SLIT3: variants seen among roughly 807,000 people sequenced by gnomAD.
SLIT3 encodes slit homolog 3 protein.
A neutral mutation model predicts 184.0 loss-of-function variants in SLIT3; 68 were observed. The observed-to-expected ratio is 0.37, with a 90% CI of 0.30 to 0.45. The LOEUF is 0.45. Ranked by LOEUF, SLIT3 falls within the 20% of genes least tolerant of loss-of-function variation. SLIT3 has a pLI of 1.00. For synonymous variants in SLIT3, 831 were observed against 828.6 expected, an observed-to-expected ratio of 1.00 and a Z score of -0.05; for missense variants, 1,707 against 2,026.0, an observed-to-expected ratio of 0.84 and a Z score of 3.02.
At chr5:168,876,714 C>CT (rs1427870104) in intron 5 of SLIT3, among the ~76,000 whole-genome samples, 1 of 152,200 alleles carries the variant, frequency 6.6e-6, no homozygotes, top group African/African-American at 2.4e-5. Context: ...CCAACGAAGC[C>CT]TTAATCCATG....
At chr5:168,672,059 T>A (rs911171537) in intron 33 of SLIT3, among the ~76,000 whole-genome samples, 6 of 152,228 alleles carry the variant, frequency 3.9e-5, no homozygotes, top group Non-Finnish European at 8.8e-5. Flanking sequence ...AGTAAAGACC[T>A]AATTTGCTTT....
intron 3 of SLIT3, among the ~76,000 whole-genome samples, chr5:169,203,760 GCAAGGCAAGAGAGAAAAGGGGAGT>G (rs1359075829): frequency 6.6e-6 from 1 of 152,128 alleles, no homozygotes; most frequent in Non-Finnish European, 1.5e-5. Flanking sequence ...TGGATTGGAG[GCAAGGCAAGAGAGAAAAGGGGAGT>G]CAAGGATGAG....
chr5:168,796,093 C>T (rs1172509495), intron 9 of SLIT3, among the ~76,000 whole-genome samples: 1 of 152,138 alleles, frequency 6.6e-6, no homozygotes, highest in Non-Finnish European at 1.5e-5. Flanking sequence ...TAATACAGTG[C>T]AGGAACAGCC....
At chr5:169,169,135 C>T (rs1027683722) in intron 4 of SLIT3, among the ~76,000 whole-genome samples, 1 of 152,198 alleles carries the variant, frequency 6.6e-6, no homozygotes, top group Non-Finnish European at 1.5e-5. Flanking sequence ...TCCTAACCTG[C>T]TAGATGAAGA....
intron 1 of SLIT3, among the ~76,000 whole-genome samples, chr5:169,258,542 G>A (rs1766055908): frequency 6.6e-6 from 1 of 152,158 alleles, no homozygotes; most frequent in African/African-American, 2.4e-5. Flanking sequence ...CTCAGCATCT[G>A]CCATGTTGCC....
At chr5:169,235,203 T>A (rs936959569) in intron 3 of SLIT3, among the ~76,000 whole-genome samples, 2 of 152,178 alleles carry the variant, frequency 1.3e-5, no homozygotes, top group Non-Finnish European at 2.9e-5. Context: ...CTTAAATCCC[T>A]TTATCTCTAT....
intron 4 of SLIT3, among the ~76,000 whole-genome samples, chr5:169,038,441 C>T (rs1297950421): frequency 6.6e-6 from 1 of 152,188 alleles, no homozygotes; most frequent in African/African-American, 2.4e-5. Flanking sequence ...TATACCATAA[C>T]ATATGTGTAA....
chr5:168,666,679 G>A lies in SLIT3; in HGVS notation c.4347C>T (p.Cys1449=). The A allele has an allele frequency of 1.2e-6, 2 of 1,614,128 alleles. No homozygotes were observed. The highest frequency in any genetic ancestry group is 1.7e-6 in the Non-Finnish European group (2 of 1,180,020). ...SGEHCQQENP[C]LGQVVREVIR... ...TCACCTCTCGGACTACTTGTCCCAG[G>A]CACGGATTCTCTGCAGAGGGCATAG... The change falls in exon 36 of 36, where the codon TGC becomes TGT. Residue 1449 remains cysteine (C), a synonymous_variant. Coordinates refer to ENST00000519560, the MANE Select transcript of SLIT3 (RefSeq NM_003062.4).
chr5:169,086,452 AT>A (rs1265696012), intron 4 of SLIT3, among the ~76,000 whole-genome samples: 1 of 152,222 alleles, frequency 6.6e-6, no homozygotes, highest in Non-Finnish European at 1.5e-5. Flanking sequence ...TCTGTTTCTA[AT>A]TGGTGGTTGA....
intron 4 of SLIT3, among the ~76,000 whole-genome samples, chr5:169,077,158 T>A (rs1391783202): frequency 1.3e-5 from 2 of 152,218 alleles, no homozygotes; most frequent in Non-Finnish European, 2.9e-5. Flanking sequence ...TTTATGGTGA[T>A]CCATTTCCAT....
chr5:168,825,405 T>G (rs994811692), intron 6 of SLIT3, among the ~76,000 whole-genome samples: 1 of 152,194 alleles, frequency 6.6e-6, no homozygotes, highest in African/African-American at 2.4e-5. Context: ...CCCCCACATC[T>G]ACTTATCATC....
At chr5:168,931,056 G>A (rs1283426849) in intron 4 of SLIT3, among the ~76,000 whole-genome samples, 1 of 152,084 alleles carries the variant, frequency 6.6e-6, no homozygotes, top group Non-Finnish European at 1.5e-5. Flanking sequence ...AGCCAGCCCG[G>A]CCCAACACCC....
chr5:169,125,343 G>A (rs764689428), intron 4 of SLIT3, among the ~76,000 whole-genome samples: 4 of 152,172 alleles, frequency 2.6e-5, no homozygotes, highest in South Asian at 2.1e-4. Context: ...CACTGCACCC[G>A]GCCGCAATTA....
intron 4 of SLIT3, among the ~76,000 whole-genome samples, chr5:168,984,348 G>A (rs1455134725): frequency 6.6e-6 from 1 of 152,108 alleles, no homozygotes; most frequent in Non-Finnish European, 1.5e-5. Context: ...TTTAACAAGA[G>A]AACTGGTTAT....
intron 29 of SLIT3, among the ~76,000 whole-genome samples, chr5:168,687,555 A>T (rs567480922): frequency 6.6e-6 from 1 of 152,316 alleles, no homozygotes; most frequent in East Asian, 1.9e-4. Context: ...CACTTCCCTG[A>T]GGACCCCCAC....
At chr5:169,121,617 A>G (rs1238938854) in intron 4 of SLIT3, among the ~76,000 whole-genome samples, 1 of 152,216 alleles carries the variant, frequency 6.6e-6, no homozygotes, top group Non-Finnish European at 1.5e-5. Context: ...GGTGAAAACA[A>G]TCTCATCATT....
chr5:168,824,929 A>T (rs890708454), intron 6 of SLIT3, among the ~76,000 whole-genome samples: 2 of 152,204 alleles, frequency 1.3e-5, no homozygotes, highest in Non-Finnish European at 2.9e-5. Flanking sequence ...TGCCCTCTAC[A>T]TCATACGTCT....
At chr5:168,849,141 A>T (rs1758586662) in intron 5 of SLIT3, among the ~76,000 whole-genome samples, 1 of 152,228 alleles carries the variant, frequency 6.6e-6, no homozygotes, top group Non-Finnish European at 1.5e-5. Context: ...TATCTTCAGA[A>T]ATAGGCTTTG....
chr5:169,279,778 A>T (rs1766934688), intron 1 of SLIT3, among the ~76,000 whole-genome samples: 1 of 152,208 alleles, frequency 6.6e-6, no homozygotes, highest in Admixed American at 6.5e-5. Context: ...TCTGCCACTT[A>T]TGAGCTTCCA....
Sources: allele counts gnomAD v4.1 joint callset (sites outside exome capture counted in the v4.1 genomes callset), GRCh38; gene constraint gnomAD v4.1.1; transcripts MANE v1.5; gene names NCBI Gene and HGNC (gene_info 2026-07-23, HGNC 2026-07-21).